Variants in RBPMS observed in about 807,000 individuals in gnomAD.
RBPMS encodes the protein RNA-binding protein with multiple splicing.
In RBPMS, 7 loss-of-function variants were observed where a neutral mutation model predicts 26.8. That is an observed-to-expected ratio of 0.26 (90% confidence interval 0.15 to 0.49). RBPMS has a LOEUF of 0.49. Among genes scored for constraint, RBPMS ranks in the 20% least tolerant of loss-of-function variants. The pLI, the probability that RBPMS is intolerant of heterozygous loss-of-function variation, is 0.98. For missense variants in RBPMS, 186 were observed against 250.0 expected, an observed-to-expected ratio of 0.74 and a Z score of 1.73; for synonymous variants, 96 against 93.3, an observed-to-expected ratio of 1.03 and a Z score of -0.17.
chr8:30,427,523 C>G (rs1811486566), intron 1 of RBPMS, among the ~76,000 whole-genome samples: 1 of 152,222 alleles, frequency 6.6e-6, no homozygotes, highest in South Asian at 2.1e-4. Context: ...TTTCAGTACC[C>G]AGATCAAATG....
intron 5 of RBPMS, 51 bp from the exon 6 acceptor site, chr8:30,544,443 G>C (rs1423963983): frequency 6.4e-7 from 1 of 1,572,910 alleles, no homozygotes; most frequent in Middle Eastern, 1.7e-4. Flanking sequence ...TTTCTGATTT[G>C]AAACTAGCTG....
intron 5 of RBPMS, among the ~76,000 whole-genome samples, chr8:30,513,992 A>C (rs1216540222): frequency 1.3e-5 from 2 of 152,150 alleles, no homozygotes; most frequent in African/African-American, 2.4e-5. Flanking sequence ...TATTATTTTC[A>C]CAAAAATAGT....
At chr8:30,541,241 A>AG (rs778348414) in intron 5 of RBPMS, among the ~76,000 whole-genome samples, 3 of 152,150 alleles carry the variant, frequency 2.0e-5, no homozygotes, top group Non-Finnish European at 4.4e-5. Context: ...TAAAACGAAA[A>AG]GGCAGAAGAT....
chr8:30,384,902 C>G lies in RBPMS; in HGVS notation c.-191C>G, dbSNP rs1806822230. The G allele has an allele frequency of 2.7e-6, 1 of 369,698 alleles. No individual in the cohort carries two copies. The highest frequency in any genetic ancestry group is 1.1e-4 in the South Asian group (1 of 9,416). 22.9% of individuals were successfully genotyped at this position (369,698 alleles called of 1,614,324 possible). A position where few individuals can be genotyped will look rare whatever the true frequency, so the allele number is the denominator to read the frequency against. On this transcript the variant is annotated 5_prime_UTR_variant, in exon 1 of 9. Coordinates refer to ENST00000397323, the MANE Select transcript of RBPMS (RefSeq NM_001008710.3). This position sits in a 1 kb window ranked among gnomAD's most constrained non-coding sequence, Gnocchi z 5.6. The stretch of plus-strand genomic sequence containing the variant: ...CCTGAGTCGCCCGCCGCCGCCGTCG[C>G]AGACTCGCCGCGGGAGCCCCAGCCC...
At chr8:30,488,356 T>A (rs1342566420) in intron 4 of RBPMS, among the ~76,000 whole-genome samples, 2 of 152,238 alleles carry the variant, frequency 1.3e-5, no homozygotes, top group Non-Finnish European at 2.9e-5. Flanking sequence ...TTCTGTATAA[T>A]GTCTCACAGA....
chr8:30,508,190 A>G (rs552759770), intron 5 of RBPMS, among the ~76,000 whole-genome samples: 1 of 152,328 alleles, frequency 6.6e-6, no homozygotes, highest in South Asian at 2.1e-4. Context: ...GTGTGAGGAC[A>G]GAGGACAAAG....
At chr8:30,507,614 TTTTA>T (rs1821200695) in intron 5 of RBPMS, among the ~76,000 whole-genome samples, 1 of 152,206 alleles carries the variant, frequency 6.6e-6, no homozygotes, top group South Asian at 2.1e-4. Flanking sequence ...TAATTTGAGC[TTTTA>T]TTTCTCTTCC....
intron 1 of RBPMS, chr8:30,446,795 T>TTTGTGTG (rs1491178163): frequency 1.8e-5 from 2 of 112,434 alleles, no homozygotes; most frequent in African/African-American, 6.8e-5. Flanking sequence ...CACACATGGC[T>TTTGTGTG]TGTGTGTGTG....
At chr8:30,427,626 T>G (rs573510705) in intron 1 of RBPMS, among the ~76,000 whole-genome samples, 4 of 152,334 alleles carry the variant, frequency 2.6e-5, no homozygotes, top group African/African-American at 9.6e-5. Context: ...CATATCATGT[T>G]GTAATTATTT....
chr8:30,496,696 G>A (rs1819997345), intron 4 of RBPMS, among the ~76,000 whole-genome samples: 2 of 152,052 alleles, frequency 1.3e-5, no homozygotes, highest in African/African-American at 2.4e-5. Flanking sequence ...AAAAATGTTT[G>A]AGTGTCACAA....
intron 8 of RBPMS, among the ~76,000 whole-genome samples, chr8:30,569,525 G>A (rs1241044480): frequency 6.6e-6 from 1 of 152,228 alleles, no homozygotes; most frequent in Admixed American, 6.5e-5. Context: ...ACGCTCTGCT[G>A]AAAGTAGACT....
At chr8:30,484,545 G>C (rs964561202) in intron 4 of RBPMS, among the ~76,000 whole-genome samples, 1 of 152,120 alleles carries the variant, frequency 6.6e-6, no homozygotes, top group African/African-American at 2.4e-5. Context: ...AGGTAAAATG[G>C]CTGCCACTCA....
chr8:30,482,350 T>C (rs961817380), intron 4 of RBPMS, among the ~76,000 whole-genome samples: 1 of 152,230 alleles, frequency 6.6e-6, no homozygotes, highest in African/African-American at 2.4e-5. Context: ...TTGAGAAACA[T>C]ATGCCTGAAT....
chr8:30,544,173 G>C (rs546345408), intron 5 of RBPMS, among the ~76,000 whole-genome samples: 1 of 152,190 alleles, frequency 6.6e-6, no homozygotes, highest in Non-Finnish European at 1.5e-5. Flanking sequence ...CGCATTTCCT[G>C]TTTTGTGCAG....
At chr8:30,539,508 A>T (rs1825151440) in intron 5 of RBPMS, among the ~76,000 whole-genome samples, 1 of 151,932 alleles carries the variant, frequency 6.6e-6, no homozygotes, top group Non-Finnish European at 1.5e-5. Flanking sequence ...CCCAGAATTA[A>T]TCCTCAGTCT....
intron 5 of RBPMS, among the ~76,000 whole-genome samples, chr8:30,533,948 A>G (rs570536029): frequency 6.6e-6 from 1 of 152,124 alleles, no homozygotes; most frequent in East Asian, 1.9e-4. Context: ...CCTGGCCTAC[A>G]TGATTGAAAC....
At chr8:30,486,403 A>T (rs1414180867) in intron 4 of RBPMS, among the ~76,000 whole-genome samples, 1 of 151,288 alleles carries the variant, frequency 6.6e-6, no homozygotes. Context: ...CCAGGTCTGT[A>T]TCCAGTGCCC....
At position 30,566,275 on chromosome 8, in the gene RBPMS, C is replaced by T. The variant is rs551538170; in HGVS notation, c.*26C>T. On this transcript the variant is annotated 3_prime_UTR_variant, in exon 8 of 9. Transcript: ENST00000397323. ...ATCCCAGGTCCCAGGTGTGTGATGG[C>T]GGCTGCAATCTGTCTTGTGGGTATT... The T allele has an allele frequency of 4.9e-5, 48 of 985,928 alleles. No homozygotes were observed. The highest frequency in any genetic ancestry group is 6.1e-5 in the Admixed American group (1 of 16,280). The allele number at this position is 985,928 out of a possible 1,614,324, so 61.1% of individuals were successfully genotyped here.
intron 1 of RBPMS, among the ~76,000 whole-genome samples, chr8:30,434,717 A>G (rs1264792867): frequency 2.0e-5 from 3 of 151,782 alleles, no homozygotes; most frequent in African/African-American, 7.3e-5. Context: ...AAAAAAAAAA[A>G]AAGGCAACAA....
Sources: allele counts gnomAD v4.1 joint callset (sites outside exome capture counted in the v4.1 genomes callset), GRCh38; gene constraint gnomAD v4.1.1; non-coding constraint Gnocchi (gnomAD v3.1); transcripts MANE v1.5; gene names NCBI Gene and HGNC (gene_info 2026-07-23, HGNC 2026-07-21).